PDE1A: variants seen among roughly 807,000 people sequenced by gnomAD.
PDE1A encodes phosphodiesterase 1A.
PDE1A carries 35 observed loss-of-function variants against 61.7 expected under a neutral mutation model. That is an observed-to-expected ratio of 0.57 (90% CI 0.43 to 0.75). PDE1A has a LOEUF of 0.75. Ranked by LOEUF, PDE1A falls within the 30% of genes least tolerant of loss-of-function variation. PDE1A has a pLI of 0.00. For missense variants in PDE1A, 597 were observed against 630.6 expected (o/e 0.95, Z 0.57); for synonymous variants, 232 against 213.2 (o/e 1.09, Z -0.77).
downstream of PDE1A, among the ~76,000 whole-genome samples, chr2:182,165,211 C>T (rs1030763814): frequency 6.6e-6 from 1 of 152,150 alleles, no homozygotes; most frequent in Non-Finnish European, 1.5e-5. Flanking sequence ...TTATCATCAC[C>T]TCTAGTGACC....
intron 1 of PDE1A, among the ~76,000 whole-genome samples, chr2:182,349,385 G>A (rs1442309351): frequency 6.6e-6 from 1 of 152,134 alleles, no homozygotes; most frequent in Non-Finnish European, 1.5e-5. Context: ...TTGAGTTCTT[G>A]GGATCTTAAC....
the PDE1A span, among the ~76,000 whole-genome samples, chr2:182,707,943 G>A: frequency 6.6e-6 from 1 of 152,144 alleles, no homozygotes; most frequent in South Asian, 2.1e-4. Context: ...AATGTCCTAT[G>A]GCACTGTAGA....
Position 182,454,943 on chromosome 2 carries a change from A to T in PDE1A, c.101+67333T>A, listed in dbSNP as rs1282559601. On this transcript the variant is annotated intron_variant, in intron 2 of 14. Transcript: ENST00000410103. ...AACTAAAGAGCTTCTGCACAAAAAAAGAAACTACCATCAGAGTAAACAGGC... is the reference window on the plus strand; with the variant it reads ...AACTAAAGAGCTTCTGCACAAAAAATGAAACTACCATCAGAGTAAACAGGC... 4.0e-5 allele frequency among the ~76,000 whole-genome samples: 6 copies of T among 151,170 alleles called. No homozygotes were observed. The East Asian group carries it at 1.2e-3, about 29-fold the overall frequency.
chr2:182,388,367 A>T (rs1701238498), intron 1 of PDE1A, among the ~76,000 whole-genome samples: 1 of 152,190 alleles, frequency 6.6e-6, no homozygotes, highest in South Asian at 2.1e-4. Context: ...CAACTGCAAA[A>T]TACACATTCT....
chr2:182,608,673 G>T, the PDE1A span, among the ~76,000 whole-genome samples: 1 of 152,238 alleles, frequency 6.6e-6, no homozygotes, highest in Admixed American at 6.5e-5. Flanking sequence ...AGCGGGCCAT[G>T]CCTGAGCTTC....
At chr2:182,704,211 G>GAAAA in the PDE1A span, among the ~76,000 whole-genome samples, 15 of 120,176 alleles carry the variant, frequency 1.2e-4, no homozygotes, top group East Asian at 5.4e-4. Context: ...ACTCCGTCTG[G>GAAAA]AAAAAAAAAA....
chr2:182,251,936 G>A (rs1400846476), intron 2 of PDE1A, among the ~76,000 whole-genome samples: 6 of 152,136 alleles, frequency 3.9e-5, no homozygotes, highest in Non-Finnish European at 7.4e-5. Flanking sequence ...AGTAGAGCAG[G>A]GGTATATTTG....
chr2:182,624,032 G>A, the PDE1A span, among the ~76,000 whole-genome samples: 1 of 151,552 alleles, frequency 6.6e-6, no homozygotes, highest in Admixed American at 6.6e-5. Context: ...GGCTGAGGCA[G>A]GAGAATGGCG....
intron 2 of PDE1A, among the ~76,000 whole-genome samples, chr2:182,473,133 T>C (rs1318816559): frequency 6.6e-6 from 1 of 151,670 alleles, no homozygotes; most frequent in Non-Finnish European, 1.5e-5. Flanking sequence ...CCCCACAAGA[T>C]GGATTAAAGA....
At chr2:182,450,912 C>G (rs149999800) in intron 2 of PDE1A, among the ~76,000 whole-genome samples, 6 of 152,000 alleles carry the variant, frequency 3.9e-5, no homozygotes, top group African/African-American at 9.7e-5. Flanking sequence ...TATCAAAGTA[C>G]GTGAATCACC....
chr2:182,443,569 C>CATGTGAAG (rs1684931692), intron 2 of PDE1A, among the ~76,000 whole-genome samples: 1 of 152,062 alleles, frequency 6.6e-6, no homozygotes, highest in South Asian at 2.1e-4. Flanking sequence ...CTCCTGTCAA[C>CATGTGAAG]ATGTGAAGAT....
the PDE1A span, among the ~76,000 whole-genome samples, chr2:182,575,179 ACTT>A: frequency 2.0e-5 from 3 of 152,088 alleles, no homozygotes; most frequent in Non-Finnish European, 4.4e-5. Flanking sequence ...GGTCTGAGAC[ACTT>A]GTGGTCCTGC....
chr2:182,177,278 T>C (rs935636973), intron 13 of PDE1A, among the ~76,000 whole-genome samples: 30 of 152,204 alleles, frequency 2.0e-4, no homozygotes, highest in African/African-American at 7.2e-4. Context: ...TTTCTCCTTG[T>C]ACCTCTGGTA....
the PDE1A span, among the ~76,000 whole-genome samples, chr2:182,665,346 T>A: frequency 8.1e-4 from 124 of 152,148 alleles, no homozygotes; most frequent in African/African-American, 2.9e-3. Flanking sequence ...ATTCAGAAGC[T>A]ACAAGGAATT....
intron 1 of PDE1A, among the ~76,000 whole-genome samples, chr2:182,402,836 A>G (rs572836207): frequency 3.9e-5 from 6 of 152,328 alleles, no homozygotes; most frequent in African/African-American, 1.4e-4. Context: ...ATAAGAAAAA[A>G]CAAACAACGC....
At chr2:182,241,802 T>C in intron 2 of PDE1A, 1 of 1,508,268 alleles carries the variant, frequency 6.6e-7, no homozygotes, top group Non-Finnish European at 8.9e-7. Flanking sequence ...TAATACTTAC[T>C]CTATATGATT....
At chr2:182,421,009 T>C (rs1222855335) in intron 1 of PDE1A, among the ~76,000 whole-genome samples, 1 of 152,170 alleles carries the variant, frequency 6.6e-6, no homozygotes, top group Non-Finnish European at 1.5e-5. Context: ...TCAAAAATAC[T>C]GCAGACTTCT....
At chr2:182,416,784 T>C (rs185479790) in intron 1 of PDE1A, among the ~76,000 whole-genome samples, 2 of 152,350 alleles carry the variant, frequency 1.3e-5, no homozygotes, top group African/African-American at 4.8e-5. Context: ...GCATTATACA[T>C]AAATAGACTG....
intron 1 of PDE1A, among the ~76,000 whole-genome samples, chr2:182,306,523 A>G (rs1695597307): frequency 6.6e-6 from 1 of 152,064 alleles, no homozygotes; most frequent in Non-Finnish European, 1.5e-5. Context: ...TATTGAGCAA[A>G]AAGAACAAAT....
Sources: allele counts gnomAD v4.1 joint callset (sites outside exome capture counted in the v4.1 genomes callset), GRCh38; gene constraint gnomAD v4.1.1; transcripts MANE v1.5; gene names NCBI Gene and HGNC (gene_info 2026-07-23, HGNC 2026-07-21).